STAT4: variants seen among roughly 807,000 people sequenced by gnomAD.
STAT4 encodes the protein signal transducer and activator of transcription 4.
STAT4 carries 42 observed loss-of-function variants against 110.5 expected under a neutral mutation model. The observed-to-expected ratio is 0.38, with a 90% CI of 0.30 to 0.49. The LOEUF is 0.49. Ranked by LOEUF, STAT4 falls within the 20% of genes least tolerant of loss-of-function variation. The pLI is 0.95. For synonymous variants in STAT4, 284 were observed against 302.2 expected, an observed-to-expected ratio of 0.94 and a Z score of 0.63; for missense variants, 632 against 887.9, an observed-to-expected ratio of 0.71 and a Z score of 3.66.
At chr2:191,052,170 C>G (rs1175052159) in intron 14 of STAT4, among the ~76,000 whole-genome samples, 2 of 152,204 alleles carry the variant, frequency 1.3e-5, no homozygotes, top group Non-Finnish European at 2.9e-5. Flanking sequence ...TCTTTCCTCA[C>G]TCTTTCCTAA....
chr2:191,039,667 T>A lies in STAT4; in HGVS notation c.1336-370A>T, dbSNP rs72911228. Among the ~76,000 whole-genome samples, 82 of 152,338 alleles carry A rather than the reference T, an allele frequency of 5.4e-4. No homozygotes were observed. The highest frequency in any genetic ancestry group is 8.5e-4 in the Admixed American group (13 of 15,298). Reference sequence around the variant, plus strand: ...TCTCTATAAGTTAAATAAAAGAATCTATTTTAAGTTTATCTCTGGAATGAA... The same window carrying A: ...TCTCTATAAGTTAAATAAAAGAATCAATTTTAAGTTTATCTCTGGAATGAA... On this transcript the variant is annotated intron_variant, in intron 15 of 23. Transcript: ENST00000392320. The surrounding 1 kb of genome is among the most constrained non-coding windows in gnomAD (Gnocchi z 4.7).
In STAT4 at chr2:191,140,330, A is replaced by C. The variant is rs1296303758; in HGVS notation, c.273+6283T>G. Reference sequence around the variant, plus strand: ...GACAACCCACAGCGTGGGAGAAAATATTTGCAAGCTATGTATCTGACAAAG... The same window carrying C: ...GACAACCCACAGCGTGGGAGAAAATCTTTGCAAGCTATGTATCTGACAAAG... On this transcript the variant is annotated intron_variant, in intron 3 of 23. Coordinates refer to ENST00000392320, the MANE Select transcript of STAT4 (RefSeq NM_003151.4). The surrounding 1 kb of genome is among the most constrained non-coding windows in gnomAD (Gnocchi z 4.4). Among the ~76,000 whole-genome samples the C allele has an allele frequency of 6.6e-6, 1 of 152,188 alleles. No individual in the cohort carries two copies. The highest frequency in any genetic ancestry group is 1.5e-5 in the Non-Finnish European group (1 of 68,022).
Position 191,112,999 on chromosome 2 carries a change from T to C in STAT4, c.273+33614A>G, listed in dbSNP as rs564693153. ...AGGGCATTCCCATAGCTCTCTGCTGTTCTTGCCCATCTGGGAATACTCACA... is the reference window on the plus strand; with the variant it reads ...AGGGCATTCCCATAGCTCTCTGCTGCTCTTGCCCATCTGGGAATACTCACA... On this transcript the variant is annotated intron_variant, in intron 3 of 23. Coordinates refer to ENST00000392320, the MANE Select transcript of STAT4 (RefSeq NM_003151.4). The surrounding 1 kb of genome is among the most constrained non-coding windows in gnomAD (Gnocchi z 4.3). 6.6e-6 allele frequency among the ~76,000 whole-genome samples: 1 copy of C among 152,372 alleles called. No individual in the cohort carries two copies. The highest frequency in any genetic ancestry group is 2.1e-4 in the South Asian group (1 of 4,834).
At position 191,062,190 on chromosome 2, in the gene STAT4, G is replaced by T. The variant is rs1239191445; in HGVS notation, c.942-369C>A. 6.6e-6 allele frequency among the ~76,000 whole-genome samples: 1 copy of T among 152,022 alleles called. No homozygotes were observed. The highest frequency in any genetic ancestry group is 1.5e-5 in the Non-Finnish European group (1 of 68,014). On this transcript the variant is annotated intron_variant, in intron 9 of 23. Coordinates refer to ENST00000392320, the MANE Select transcript of STAT4 (RefSeq NM_003151.4). The surrounding 1 kb of genome is among the most constrained non-coding windows in gnomAD (Gnocchi z 4.9). ...CTGCCTTGGCCTCCTGAGTATCTAGGACTATAGGGATGTGCCACCATGCCT... is the reference window on the plus strand; with the variant it reads ...CTGCCTTGGCCTCCTGAGTATCTAGTACTATAGGGATGTGCCACCATGCCT...
chr2:191,066,164 T>G lies in STAT4; in HGVS notation c.630+266A>C, dbSNP rs1696979322. Among the ~76,000 whole-genome samples, 1 of 152,076 alleles carries G rather than the reference T, an allele frequency of 6.6e-6. No homozygotes were observed. The highest frequency in any genetic ancestry group is 2.1e-4 in the South Asian group (1 of 4,824). On this transcript the variant is annotated intron_variant, in intron 7 of 23. Transcript: ENST00000392320. The surrounding 1 kb of genome is among the most constrained non-coding windows in gnomAD (Gnocchi z 4.3). The stretch of plus-strand genomic sequence containing the variant: ...GTCTGAAATAATGACAAATAAAAAT[T>G]GGGTAAAATTTCCACCTTGAAATTA...
chr2:191,089,268 A>C (rs187341792), intron 3 of STAT4, among the ~76,000 whole-genome samples: 1 of 152,340 alleles, frequency 6.6e-6, no homozygotes, highest in East Asian at 1.9e-4. Context: ...TGTCTCACCA[A>C]AGAAGATATA....
Position 191,030,527 on chromosome 2 carries a change from GC to G in STAT4, c.2220+444del, listed in dbSNP as rs1443022960. ...ATGCAAGTCACAATCAAGAAAAATT[GC>G]AATTTGTGATGTTTGCACTGTTAAG... On this transcript the variant is annotated intron_variant, in intron 23 of 23. Transcript: ENST00000392320. This position sits in a 1 kb window ranked among gnomAD's most constrained non-coding sequence, Gnocchi z 4.4. 6.6e-6 allele frequency among the ~76,000 whole-genome samples: 1 copy of G among 152,114 alleles called. No individual in the cohort carries two copies. The highest frequency in any genetic ancestry group is 1.5e-5 in the Non-Finnish European group (1 of 68,020).
chr2:191,098,760 A>T (rs1164754214), intron 3 of STAT4, among the ~76,000 whole-genome samples: 4 of 152,198 alleles, frequency 2.6e-5, no homozygotes, highest in Admixed American at 2.0e-4. Context: ...AGTATAATTT[A>T]AAAAATAAAT....
intron 3 of STAT4, among the ~76,000 whole-genome samples, chr2:191,101,094 A>G (rs1228178949): frequency 6.6e-6 from 1 of 152,154 alleles, no homozygotes; most frequent in South Asian, 2.1e-4. Context: ...TGGGATGTTC[A>G]TAAGATCATA....
At chr2:191,106,492 T>G (rs533157529) in intron 3 of STAT4, among the ~76,000 whole-genome samples, 1 of 151,786 alleles carries the variant, frequency 6.6e-6, no homozygotes, top group South Asian at 2.1e-4. Flanking sequence ...TCGTCTCTAC[T>G]AAAAATACAA....
Position 191,053,362 on chromosome 2 carries a change from C to T in STAT4, c.1251+1128G>A, listed in dbSNP as rs1239210624. ...AGAGGAAAAAAATGCAGTATTTCCT[C>T]ATCAGTTCATTTGCCAAACGTCACA... is the stretch of plus-strand genomic sequence containing the variant. On this transcript the variant is annotated intron_variant, in intron 14 of 23. Coordinates refer to ENST00000392320, the MANE Select transcript of STAT4 (RefSeq NM_003151.4). This position sits in a 1 kb window ranked among gnomAD's most constrained non-coding sequence, Gnocchi z 4.5. Among the ~76,000 whole-genome samples, 1 of 152,206 alleles carries T rather than the reference C, an allele frequency of 6.6e-6. No individual in the cohort carries two copies. The highest frequency in any genetic ancestry group is 1.5e-5 in the Non-Finnish European group (1 of 68,044).
At chr2:191,141,366 GTTATT>G (rs1054068864) in intron 3 of STAT4, among the ~76,000 whole-genome samples, 2 of 148,750 alleles carry the variant, frequency 1.3e-5, no homozygotes, top group Non-Finnish European at 3.0e-5. Context: ...CGTTAAAATG[GTTATT>G]TTATACATAC....
In STAT4 at chr2:191,039,396, C is replaced by T; in HGVS notation, c.1336-99G>A. ...CTCTAAAGGGCCAATCTCAAGCCAG[C>T]CCCACACCTCCAGTCCTGATGTCCA... is the stretch of plus-strand genomic sequence containing the variant. On this transcript the variant is annotated intron_variant, in intron 15 of 23. Coordinates refer to ENST00000392320, the MANE Select transcript of STAT4 (RefSeq NM_003151.4). The surrounding 1 kb of genome is among the most constrained non-coding windows in gnomAD (Gnocchi z 4.7). 1 of 934,900 alleles carries T rather than the reference C, an allele frequency of 1.1e-6. No individual in the cohort carries two copies. Among genetic ancestry groups the T allele is most frequent in the Non-Finnish European group, 1.7e-6 (1 of 576,490 alleles). 57.9% of individuals were successfully genotyped at this position (934,900 alleles called of 1,614,324 possible).
chr2:191,085,719 G>T (rs1394026508), intron 3 of STAT4, among the ~76,000 whole-genome samples: 1 of 152,132 alleles, frequency 6.6e-6, no homozygotes, highest in African/African-American at 2.4e-5. Context: ...GATAACTTTG[G>T]AGACAGTGCC....
intron 3 of STAT4, among the ~76,000 whole-genome samples, chr2:191,128,302 T>C (rs1698938099): frequency 6.6e-6 from 1 of 152,184 alleles, no homozygotes; most frequent in African/African-American, 2.4e-5. Flanking sequence ...TGGCTACACA[T>C]TCTTCTCAGG....
chr2:191,036,061 T>C (rs1696034485), intron 17 of STAT4, 103 bp downstream of exon 17: 1 of 1,350,810 alleles, frequency 7.4e-7, no homozygotes. Flanking sequence ...GAATAAATTA[T>C]GATTATCATC....
rs961710977 is a variant in STAT4, at chr2:191,147,457, T to A, written c.128+619A>T. ...CAATTATCTAAAGTACCTAGAGTAG[T>A]CAAATTCACAGAGACAGAAAATAGA... On this transcript the variant is annotated intron_variant, in intron 2 of 23. Coordinates refer to ENST00000392320, the MANE Select transcript of STAT4 (RefSeq NM_003151.4). This position sits in a 1 kb window ranked among gnomAD's most constrained non-coding sequence, Gnocchi z 4.1. Among the ~76,000 whole-genome samples, 1 of 152,094 alleles carries A rather than the reference T, an allele frequency of 6.6e-6. No individual in the cohort carries two copies. The highest frequency in any genetic ancestry group is 6.6e-5 in the Admixed American group (1 of 15,262).
chr2:191,067,330 T>C (rs548632367), intron 6 of STAT4, among the ~76,000 whole-genome samples: 55 of 152,238 alleles, frequency 3.6e-4, no homozygotes, highest in Non-Finnish European at 6.5e-4. Context: ...ACACGTGAAG[T>C]GCTCGGAAGC....
intron 3 of STAT4, among the ~76,000 whole-genome samples, chr2:191,095,484 G>T (rs757242340): frequency 2.0e-5 from 3 of 152,176 alleles, no homozygotes; most frequent in Non-Finnish European, 4.4e-5. Flanking sequence ...CAACTACATG[G>T]AAACTGAACA....
Sources: allele counts gnomAD v4.1 joint callset (sites outside exome capture counted in the v4.1 genomes callset), GRCh38; gene constraint gnomAD v4.1.1; non-coding constraint Gnocchi (gnomAD v3.1); transcripts MANE v1.5; gene names NCBI Gene and HGNC (gene_info 2026-07-23, HGNC 2026-07-21).